The following SDK1 variants were observed in gnomAD, a reference collection of about 807,000 sequenced individuals.
SDK1 encodes the protein sidekick cell adhesion molecule 1.
A neutral mutation model predicts 245.5 loss-of-function variants in SDK1; 157 were observed. The ratio of observed to expected loss-of-function variants is 0.64; its 90% CI spans 0.56 to 0.73. The LOEUF (loss-of-function observed/expected upper bound fraction) is 0.73, where lower values mean the gene tolerates loss of function less well. SDK1 is among the 30% of genes least tolerant of loss of function. The probability of loss-of-function intolerance (pLI) is 0.00; values close to 1 mark genes in which losing one functional copy is unlikely to be tolerated. For missense variants in SDK1, 3,583 were observed against 3,002.3 expected (o/e 1.19, Z -4.52); for synonymous variants, 1,647 against 1,278.5 (o/e 1.29, Z -6.15).
chr7:3,399,705 G>A (rs1232440481), intron 1 of SDK1, among the ~76,000 whole-genome samples: 1 of 152,092 alleles, frequency 6.6e-6, no homozygotes, highest in African/African-American at 2.4e-5. Flanking sequence ...GTCAGTTGAT[G>A]ATTGGACACA....
At chr7:3,859,990 G>T (rs1275289356) in intron 5 of SDK1, among the ~76,000 whole-genome samples, 4 of 151,728 alleles carry the variant, frequency 2.6e-5, no homozygotes, top group Admixed American at 6.6e-5. Context: ...CATGATCTTG[G>T]CTCACTGCAA....
chr7:3,822,542 G>C (rs1453787329), intron 5 of SDK1, among the ~76,000 whole-genome samples: 1 of 152,112 alleles, frequency 6.6e-6, no homozygotes, highest in Non-Finnish European at 1.5e-5. Context: ...GGCCAAGGCA[G>C]GCATATTACT....
intron 14 of SDK1, among the ~76,000 whole-genome samples, chr7:4,006,230 G>A (rs1448544269): frequency 6.6e-6 from 1 of 152,230 alleles, no homozygotes; most frequent in Non-Finnish European, 1.5e-5. Flanking sequence ...AAGCGGGGTT[G>A]TGATTCATTC....
chr7:3,548,496 T>G (rs775150631), intron 1 of SDK1, among the ~76,000 whole-genome samples: 4 of 152,178 alleles, frequency 2.6e-5, no homozygotes, highest in Non-Finnish European at 5.9e-5. Context: ...TTTGCTAACA[T>G]TTGACTTTTT....
At chr7:4,051,060 T>C (rs1265723966) in intron 18 of SDK1, among the ~76,000 whole-genome samples, 1 of 141,442 alleles carries the variant, frequency 7.1e-6, no homozygotes, top group Admixed American at 7.4e-5. Flanking sequence ...ACTATACATA[T>C]ATATGTTATG....
chr7:3,516,473 T>C (rs577850405), intron 1 of SDK1, among the ~76,000 whole-genome samples: 2 of 152,260 alleles, frequency 1.3e-5, no homozygotes, highest in Admixed American at 1.3e-4. Flanking sequence ...TTAGGTGTTC[T>C]ACTTAAAGAG....
chr7:3,764,654 C>G (rs965448366), intron 4 of SDK1, among the ~76,000 whole-genome samples: 19 of 151,914 alleles, frequency 1.3e-4, no homozygotes, highest in Admixed American at 6.6e-5. Context: ...CGCACTCTAG[C>G]CTGGGCGACA....
At chr7:3,578,492 C>T (rs1337923557) in intron 1 of SDK1, among the ~76,000 whole-genome samples, 1 of 151,960 alleles carries the variant, frequency 6.6e-6, no homozygotes, top group East Asian at 1.9e-4. Context: ...CCAGTCTGAC[C>T]TCAAATTTAC....
At chr7:4,248,796 T>C (rs762732552) in intron 44 of SDK1, among the ~76,000 whole-genome samples, 1 of 151,770 alleles carries the variant, frequency 6.6e-6, no homozygotes, top group Non-Finnish European at 1.5e-5. Context: ...TATACCTACA[T>C]ACCTAAACAC....
chr7:4,005,438 T>G (rs905982750), intron 14 of SDK1, among the ~76,000 whole-genome samples: 5 of 94,450 alleles, frequency 5.3e-5, no homozygotes, highest in African/African-American at 1.2e-4. Context: ...GTGTGTGTGT[T>G]AATACTTCTT....
rs1019724315 is a variant in SDK1, at chr7:3,957,659, G to A, written c.1151-1272G>A. On this transcript the variant is annotated intron_variant, in intron 7 of 44. Transcript: ENST00000404826. ...CTGCACACAAGGGCCCTGACAGCAG[G>A]CAGCTACTGTATGTATAGTTGGAAT... is the stretch of plus-strand genomic sequence containing the variant. Among the ~76,000 whole-genome samples the A allele has an allele frequency of 2.0e-5, 3 of 152,260 alleles. No individual in the cohort carries two copies. In the East Asian group the frequency reaches 5.8e-4, roughly 29 times the overall value.
At chr7:3,375,685 C>G (rs890205628) in intron 1 of SDK1, among the ~76,000 whole-genome samples, 27 of 152,286 alleles carry the variant, frequency 1.8e-4, no homozygotes, top group Admixed American at 1.6e-3. Flanking sequence ...GAACTGAGGC[C>G]TTGGTCAACC....
At chr7:3,484,470 G>A (rs190552431) in intron 1 of SDK1, among the ~76,000 whole-genome samples, 1 of 152,264 alleles carries the variant, frequency 6.6e-6, no homozygotes, top group East Asian at 1.9e-4. Context: ...CCGAGGAACG[G>A]CTATATTTTC....
At chr7:3,586,154 A>G (rs974516613) in intron 1 of SDK1, among the ~76,000 whole-genome samples, 1 of 151,506 alleles carries the variant, frequency 6.6e-6, no homozygotes, top group Admixed American at 6.6e-5. Context: ...CCATTGCCTA[A>G]CTCTCAGTGA....
Position 3,755,697 on chromosome 7 carries a change from C to A in SDK1, c.714-65753C>A, listed in dbSNP as rs567575045. ...CCCCCAACCCCTCACCCCAAACAAACGCTGATAGGTTTGTTTGCCCCTGTA... is the reference window on the plus strand; with the variant it reads ...CCCCCAACCCCTCACCCCAAACAAAAGCTGATAGGTTTGTTTGCCCCTGTA... On this transcript the variant is annotated intron_variant, in intron 4 of 44. Transcript: ENST00000404826. Among the ~76,000 whole-genome samples the A allele has an allele frequency of 1.8e-4, 28 of 152,122 alleles. 1 individual carries two copies. The South Asian group carries it at 5.2e-3, about 28-fold the overall frequency.
intron 4 of SDK1, among the ~76,000 whole-genome samples, chr7:3,806,969 T>A (rs1362065225): frequency 6.6e-6 from 1 of 152,202 alleles, no homozygotes; most frequent in African/African-American, 2.4e-5. Flanking sequence ...TTACTCAGAC[T>A]TTCTCAAAAC....
chr7:4,180,085 G>C (rs765427582), intron 35 of SDK1, among the ~76,000 whole-genome samples: 1 of 152,104 alleles, frequency 6.6e-6, no homozygotes, highest in Non-Finnish European at 1.5e-5. Context: ...GAAGCCAGGG[G>C]TGGTGCGGGA....
chr7:3,537,245 C>T (rs1778915323), intron 1 of SDK1, among the ~76,000 whole-genome samples: 1 of 152,168 alleles, frequency 6.6e-6, no homozygotes, highest in Non-Finnish European at 1.5e-5. Context: ...CTGACTATCC[C>T]ATTATCCATT....
At chr7:4,014,973 T>A (rs2128150991) in intron 16 of SDK1, among the ~76,000 whole-genome samples, 1 of 152,222 alleles carries the variant, frequency 6.6e-6, no homozygotes, top group South Asian at 2.1e-4. Flanking sequence ...CTGTTAAGAG[T>A]GGCCCCAGAG....
Sources: allele counts gnomAD v4.1 joint callset (sites outside exome capture counted in the v4.1 genomes callset), GRCh38; gene constraint gnomAD v4.1.1; transcripts MANE v1.5; gene names NCBI Gene and HGNC (gene_info 2026-07-23, HGNC 2026-07-21).